PHACTR1: variants seen among roughly 807,000 people sequenced by gnomAD.
PHACTR1 encodes the protein phosphatase and actin regulator 1.
A neutral mutation model predicts 69.2 loss-of-function variants in PHACTR1; 16 were observed. That is an observed-to-expected ratio of 0.23 (90% CI 0.16 to 0.35). PHACTR1 has a LOEUF of 0.35. Among genes scored for constraint, PHACTR1 ranks in the 10% least tolerant of loss-of-function variants. PHACTR1 has a pLI of 1.00. For synonymous variants in PHACTR1, 312 were observed against 284.5 expected, an observed-to-expected ratio of 1.10 and a Z score of -0.97; for missense variants, 510 against 734.7, an observed-to-expected ratio of 0.69 and a Z score of 3.54.
At chr6:13,034,869 G>A (rs1253546940) in intron 4 of PHACTR1, among the ~76,000 whole-genome samples, 1 of 152,166 alleles carries the variant, frequency 6.6e-6, no homozygotes, top group African/African-American at 2.4e-5. Flanking sequence ...GAAAAGCCAG[G>A]AAATAGATAA....
chr6:12,739,917 A>G (rs1050406339), intron 3 of PHACTR1, among the ~76,000 whole-genome samples: 4 of 152,224 alleles, frequency 2.6e-5, no homozygotes, highest in African/African-American at 9.6e-5. Context: ...CTTTTACAAA[A>G]GTTATCACCT....
intron 5 of PHACTR1, among the ~76,000 whole-genome samples, chr6:13,156,440 G>T (rs1054929193): frequency 1.3e-5 from 2 of 152,166 alleles, no homozygotes; most frequent in African/African-American, 4.8e-5. Flanking sequence ...AACTTAGGAC[G>T]TTAAAGAAAT....
intron 5 of PHACTR1, among the ~76,000 whole-genome samples, chr6:13,134,939 C>A (rs1446960141): frequency 6.6e-6 from 1 of 152,118 alleles, no homozygotes; most frequent in South Asian, 2.1e-4. Flanking sequence ...AGCGTAAACC[C>A]CTTCTCGCTA....
At chr6:13,196,095 G>A (rs1764368864) in intron 7 of PHACTR1, among the ~76,000 whole-genome samples, 1 of 152,186 alleles carries the variant, frequency 6.6e-6, no homozygotes, top group South Asian at 2.1e-4. Context: ...TCTAGCTGCA[G>A]AAATAAGTCA....
chr6:12,775,380 C>G (rs1165829726), intron 4 of PHACTR1, among the ~76,000 whole-genome samples: 1 of 152,154 alleles, frequency 6.6e-6, no homozygotes, highest in African/African-American at 2.4e-5. Context: ...TCTGTTGCCA[C>G]ATAGTTAACT....
At chr6:12,921,500 GAA>G (rs1489824714) in intron 4 of PHACTR1, among the ~76,000 whole-genome samples, 6 of 128,504 alleles carry the variant, frequency 4.7e-5, no homozygotes, top group African/African-American at 1.7e-4. Flanking sequence ...AGGAAGGAAG[GAA>G]AGAAGGAAGG....
chr6:13,139,646 T>A (rs1822116160), intron 5 of PHACTR1, among the ~76,000 whole-genome samples: 2 of 152,172 alleles, frequency 1.3e-5, no homozygotes, highest in South Asian at 4.1e-4. Context: ...CTAAGCAGGT[T>A]TCCTCATTAA....
chr6:13,234,809 A>G (rs931272426), intron 10 of PHACTR1, among the ~76,000 whole-genome samples: 1 of 152,202 alleles, frequency 6.6e-6, no homozygotes, highest in African/African-American at 2.4e-5. Context: ...ACTGCCCCAG[A>G]GACATGAACA....
At chr6:12,906,176 A>G (rs927293238) in intron 4 of PHACTR1, among the ~76,000 whole-genome samples, 4 of 109,574 alleles carry the variant, frequency 3.7e-5, no homozygotes, top group Non-Finnish European at 8.8e-5. Flanking sequence ...TTCACCAGTT[A>G]GAATGACTTA....
At chr6:12,869,619 C>A (rs1281998084) in intron 4 of PHACTR1, among the ~76,000 whole-genome samples, 1 of 152,170 alleles carries the variant, frequency 6.6e-6, no homozygotes, top group Non-Finnish European at 1.5e-5. Flanking sequence ...GCAAACCAGT[C>A]CTCCTCCTTC....
At chr6:13,010,927 C>A (rs959955131) in intron 4 of PHACTR1, among the ~76,000 whole-genome samples, 1 of 152,174 alleles carries the variant, frequency 6.6e-6, no homozygotes, top group Non-Finnish European at 1.5e-5. Context: ...CGGGACAGTG[C>A]GCACATCAGC....
chr6:13,044,054 A>G (rs946635248), intron 4 of PHACTR1, among the ~76,000 whole-genome samples: 1 of 152,088 alleles, frequency 6.6e-6, no homozygotes, highest in Non-Finnish European at 1.5e-5. Flanking sequence ...AACATCTATT[A>G]GCTCAATAAG....
chr6:12,905,407 T>C (rs138366634), intron 4 of PHACTR1, among the ~76,000 whole-genome samples: 1 of 152,368 alleles, frequency 6.6e-6, no homozygotes, highest in East Asian at 1.9e-4. Flanking sequence ...GTTCCCATAC[T>C]ATGTGTCTAA....
intron 4 of PHACTR1, among the ~76,000 whole-genome samples, chr6:13,034,761 T>C (rs536085666): frequency 6.6e-6 from 1 of 152,352 alleles, no homozygotes; most frequent in East Asian, 1.9e-4. Context: ...AGCTCAATCC[T>C]GTAGATGCAA....
At chr6:12,988,092 TAAAC>T (rs1024447379) in intron 4 of PHACTR1, among the ~76,000 whole-genome samples, 16 of 152,170 alleles carry the variant, frequency 1.1e-4, no homozygotes, top group African/African-American at 3.6e-4. Context: ...ACTCTAATCT[TAAAC>T]ATGTCATGTG....
chr6:12,927,142 G>A (rs1348346147), intron 4 of PHACTR1, among the ~76,000 whole-genome samples: 2 of 152,226 alleles, frequency 1.3e-5, no homozygotes, highest in East Asian at 3.8e-4. Context: ...TGCTGAACAA[G>A]GACACCTAGC....
chr6:13,252,050 G>A (rs1774489665), intron 10 of PHACTR1, among the ~76,000 whole-genome samples: 1 of 140,782 alleles, frequency 7.1e-6, no homozygotes, highest in South Asian at 2.3e-4. Context: ...ACAAGATCCT[G>A]CCTTAAAAAA....
chr6:13,198,011 C>T (rs1764673788), intron 7 of PHACTR1, among the ~76,000 whole-genome samples: 1 of 152,202 alleles, frequency 6.6e-6, no homozygotes, highest in Non-Finnish European at 1.5e-5. Context: ...GTGGCTCCTG[C>T]TAGTCCATTG....
intron 4 of PHACTR1, among the ~76,000 whole-genome samples, chr6:12,921,481 A>AGGG (rs1787647150): frequency 7.4e-6 from 1 of 134,580 alleles, no homozygotes; most frequent in African/African-American, 2.8e-5. Context: ...GGAAGGAAGG[A>AGGG]AGGAGGGAAG....
Sources: gnomAD v4.1 joint callset for allele counts (sites outside exome capture counted in the v4.1 genomes callset) on GRCh38, gnomAD v4.1.1 for gene constraint, MANE v1.5 for transcripts, NCBI Gene and HGNC (gene_info 2026-07-23, HGNC 2026-07-21) for gene names.